PRKX: variants seen among roughly 807,000 people sequenced by gnomAD.
PRKX encodes cAMP-dependent protein kinase catalytic subunit PRKX.
In PRKX, 12 loss-of-function variants were observed where a neutral mutation model predicts 22.0. The ratio of observed to expected loss-of-function variants is 0.54; its 90% CI spans 0.35 to 0.88. The LOEUF (loss-of-function observed/expected upper bound fraction) is 0.88, where lower values mean the gene tolerates loss of function less well. Among genes scored for constraint, PRKX ranks in the 40% least tolerant of loss-of-function variants. PRKX has a pLI of 0.01. For synonymous variants in PRKX, 134 were observed against 137.7 expected, an observed-to-expected ratio of 0.97 and a Z score of 0.19; for missense variants, 217 against 308.0, an observed-to-expected ratio of 0.70 and a Z score of 2.21.
chrX:3,611,204 T>C (rs770755596), intron 8 of PRKX: 1 of 112,121 alleles, frequency 8.9e-6, no homozygotes, highest in East Asian at 2.8e-4. Context: ...CTGCCCAGGA[T>C]GGAGGGCTCT....
chrX:3,612,524 C>T (rs1293698453), intron 7 of PRKX, among the ~76,000 whole-genome samples, 199 bp from the exon 8 acceptor site: 1 of 111,853 alleles, frequency 8.9e-6, no homozygotes, highest in South Asian at 3.8e-4. Context: ...TGGGGACTCA[C>T]ACCTGTAATC....
chrX:3,694,980 A>G (rs1928416752), intron 1 of PRKX, among the ~76,000 whole-genome samples: 1 of 111,843 alleles, frequency 8.9e-6, no homozygotes, highest in Non-Finnish European at 1.9e-5. Context: ...GGCCTGGGAG[A>G]GCATAAATTT....
intron 1 of PRKX, among the ~76,000 whole-genome samples, chrX:3,677,436 C>A (rs185227036): frequency 1.5e-3 from 162 of 106,643 alleles, no homozygotes; most frequent in African/African-American, 5.3e-3. Context: ...CTCAAGTGAC[C>A]CTCCCACCTC....
Position 3,673,058 on chromosome X carries a change from A to G in PRKX, c.335+1540T>C, listed in dbSNP as rs747279692. 5.5e-3 allele frequency among the ~76,000 whole-genome samples: 614 copies of G among 111,418 alleles called. 6 individuals carry two copies. Among genetic ancestry groups the G allele is most frequent in the African/African-American group, 0.019 (590 of 30,675 alleles). On this transcript the variant is annotated intron_variant, in intron 2 of 8. Coordinates refer to ENST00000262848, the MANE Select transcript of PRKX (RefSeq NM_005044.5). ...GGGAGCCACCGCGCCCATCCTCTGC[A>G]TATGATTTTGTTCGGAGCTTAGGCA... is the stretch of plus-strand genomic sequence containing the variant.
chrX:3,688,460 A>G (rs1437872336), intron 1 of PRKX, among the ~76,000 whole-genome samples: 2 of 102,964 alleles, frequency 1.9e-5, no homozygotes, highest in Non-Finnish European at 4.1e-5. Flanking sequence ...GAAAAAAAAA[A>G]GGTTAACTCA....
At chrX:3,622,683 A>C (rs993944374) in intron 5 of PRKX, among the ~76,000 whole-genome samples, 19 of 111,913 alleles carry the variant, frequency 1.7e-4, no homozygotes, top group African/African-American at 5.2e-4. Flanking sequence ...CTCAGAGACC[A>C]TCTGTCCGCC....
At chrX:3,704,388 G>A (rs764103870) in intron 1 of PRKX, among the ~76,000 whole-genome samples, 1 of 112,103 alleles carries the variant, frequency 8.9e-6, no homozygotes, top group African/African-American at 3.2e-5. Context: ...GGTCAGGCAG[G>A]GCGTGGTGGC....
chrX:3,653,799 A>ATATATATTATATACTATGTGATATAT (rs1927399766), intron 3 of PRKX, among the ~76,000 whole-genome samples: 1 of 26,012 alleles, frequency 3.8e-5, no homozygotes, highest in African/African-American at 1.7e-4. Flanking sequence ...GATATATATA[A>ATATATATTATATACTATGTGATATAT]TATATATTAT....
intron 7 of PRKX, among the ~76,000 whole-genome samples, chrX:3,615,564 T>C (rs1306712861): frequency 1.8e-5 from 2 of 111,675 alleles, no homozygotes; most frequent in African/African-American, 6.5e-5. Flanking sequence ...CATCCAGGGA[T>C]GAATGGACAA....
intron 7 of PRKX, among the ~76,000 whole-genome samples, chrX:3,614,715 T>C (rs1056472151): frequency 1.8e-5 from 2 of 111,383 alleles, no homozygotes; most frequent in African/African-American, 6.5e-5. Flanking sequence ...TTTGACAGCA[T>C]AGTTGGGTGG....
intron 1 of PRKX, among the ~76,000 whole-genome samples, chrX:3,677,007 C>A (rs1927970930): frequency 9.0e-6 from 1 of 111,598 alleles, no homozygotes; most frequent in Non-Finnish European, 1.9e-5. Flanking sequence ...ATAAATTAAC[C>A]AGTCTCAGGT....
chrX:3,671,327 T>G (rs1927842928), intron 2 of PRKX, among the ~76,000 whole-genome samples: 1 of 111,604 alleles, frequency 9.0e-6, no homozygotes, highest in African/African-American at 3.3e-5. Context: ...ACTCCTGGTC[T>G]CAAGTGATCC....
Position 3,605,106 on chromosome X carries a change from CT to C in PRKX, c.*3862del, listed in dbSNP as rs1237515358. The C allele has an allele frequency of 1.8e-5, 2 of 109,129 alleles. No homozygotes were observed. Among genetic ancestry groups the C allele is most frequent in the Non-Finnish European group, 3.8e-5 (2 of 52,675 alleles). The allele number at this position is 109,129 out of a possible 1,213,427, so 9.0% of individuals were successfully genotyped here. On this transcript the variant is annotated 3_prime_UTR_variant, in exon 9 of 9. Transcript: ENST00000262848. ...ATGCATTAAGACACCTGTTCGTGTG[CT>C]TTTCTTCTTGCTTTTGTTAAGTGAA...
intron 1 of PRKX, among the ~76,000 whole-genome samples, chrX:3,688,689 A>G (rs1928232184): frequency 9.2e-6 from 1 of 109,239 alleles, no homozygotes. Context: ...ATAGCCAGAC[A>G]CCATCTATAA....
At position 3,621,252 on chromosome X, in the gene PRKX, TACTG is replaced by T; in HGVS notation, c.873+3_873+6del. Reference sequence around the variant, plus strand: ...ACCACTGAATACCCACGGGATCAAATACTGACCTTCATGTTTCCTAATCGCCTTG... The same window carrying T: ...ACCACTGAATACCCACGGGATCAAATACCTTCATGTTTCCTAATCGCCTTG... On this transcript the variant is annotated splice_donor_5th_base_variant and intron_variant, in intron 6 of 8. Transcript: ENST00000262848. The T allele has an allele frequency of 8.3e-7, 1 of 1,205,602 alleles. No homozygotes were observed. The highest frequency in any genetic ancestry group is 1.1e-6 in the Non-Finnish European group (1 of 890,835).
intron 4 of PRKX, among the ~76,000 whole-genome samples, chrX:3,636,568 G>A (rs1485994884): frequency 3.5e-4 from 40 of 112,906 alleles, no homozygotes; most frequent in African/African-American, 1.3e-3. Context: ...GAAGAGAAAG[G>A]GCCAGCCCTG....
rs1926138181 is a variant in PRKX, at chrX:3,605,060, C to CACACACACACACACACA, written c.*3908_*3909insTGTGTGTGTGTGTGTGT. On this transcript the variant is annotated 3_prime_UTR_variant, in exon 9 of 9. Coordinates refer to ENST00000262848, the MANE Select transcript of PRKX (RefSeq NM_005044.5). ...ACACACACACACACACACACACACA[C>CACACACACACACACACA]CCCGCAAAGAAACTATCCAAATGCA... 1.1e-5 allele frequency: 1 copy of CACACACACACACACACA among 93,707 alleles called. No homozygotes were observed. Among genetic ancestry groups the CACACACACACACACACA allele is most frequent in the African/African-American group, 4.0e-5 (1 of 24,813 alleles). The allele number at this position is 93,707 out of a possible 1,213,427, so 7.7% of individuals were successfully genotyped here. A position where few individuals can be genotyped will look rare whatever the true frequency, so the allele number is the denominator to read the frequency against.
intron 4 of PRKX, among the ~76,000 whole-genome samples, chrX:3,631,781 G>A (rs910926806): frequency 8.9e-6 from 1 of 112,062 alleles, no homozygotes; most frequent in Non-Finnish European, 1.9e-5. Context: ...ACAAGCCCAG[G>A]GATGCTGGAG....
At position 3,646,775 on chromosome X, in the gene PRKX, T is replaced by G. The variant is rs141215908; in HGVS notation, c.600-4804A>C. 6.6e-3 allele frequency among the ~76,000 whole-genome samples: 725 copies of G among 109,843 alleles called. 9 individuals carry two copies. The highest frequency in any genetic ancestry group is 0.023 in the African/African-American group (693 of 30,127). ...CAAACAGTTGAGAATTTCAGGCCCGTGAAGGGAGAAGGTGTGTGTTTGCGA... is the reference window on the plus strand; with the variant it reads ...CAAACAGTTGAGAATTTCAGGCCCGGGAAGGGAGAAGGTGTGTGTTTGCGA... On this transcript the variant is annotated intron_variant, in intron 3 of 8. Transcript: ENST00000262848.
Sources: gnomAD v4.1 joint callset for allele counts (sites outside exome capture counted in the v4.1 genomes callset) on GRCh38, gnomAD v4.1.1 for gene constraint, MANE v1.5 for transcripts, NCBI Gene and HGNC (gene_info 2026-07-23, HGNC 2026-07-21) for gene names.